DNAJC5: variants seen among roughly 807,000 people sequenced by gnomAD.
The protein encoded by DNAJC5 is DnaJ heat shock protein family (Hsp40) member C5.
In DNAJC5, 1 loss-of-function variant was observed where a neutral mutation model predicts 23.2. That is an observed-to-expected ratio of 0.04 (90% CI 0.02 to 0.20). The LOEUF is 0.20. Among genes scored for constraint, DNAJC5 ranks in the 10% least tolerant of loss-of-function variants. The pLI, the probability that DNAJC5 is intolerant of heterozygous loss-of-function variation, is 1.00. For synonymous variants in DNAJC5, 136 were observed against 120.0 expected (o/e 1.13, Z -0.87); for missense variants, 180 against 267.0 (o/e 0.67, Z 2.27).
chr20:63,910,188 G>A (rs2053473802), intron 1 of DNAJC5, among the ~76,000 whole-genome samples: 1 of 152,248 alleles, frequency 6.6e-6, no homozygotes, highest in South Asian at 2.1e-4. Flanking sequence ...CTACCCAGGT[G>A]TCATAACCTG....
At position 63,928,262 on chromosome 20, in the gene DNAJC5, TAA is replaced by T. The variant is rs1438446283; in HGVS notation, c.-11-71_-11-70del. ...TTTTGCTTTGAACGGTCTTATGGAA[TAA>T]AGTCCATCAGCTCTGCCCTTGGTAC... On this transcript the variant is annotated intron_variant, in intron 1 of 4. Coordinates refer to ENST00000360864, the MANE Select transcript of DNAJC5 (RefSeq NM_025219.3). This position sits in a 1 kb window ranked among gnomAD's most constrained non-coding sequence, Gnocchi z 4.6. The T allele has an allele frequency of 1.6e-6, 2 of 1,248,374 alleles. No homozygotes were observed. The highest frequency in any genetic ancestry group is 2.9e-5 in the African/African-American group (2 of 67,804). 77.3% of individuals were successfully genotyped at this position (1,248,374 alleles called of 1,614,324 possible). A position where few individuals can be genotyped will look rare whatever the true frequency, so the allele number is the denominator to read the frequency against.
intron 1 of DNAJC5, among the ~76,000 whole-genome samples, chr20:63,898,094 C>G (rs182931879): frequency 9.7e-4 from 148 of 152,330 alleles, no homozygotes; most frequent in Non-Finnish European, 1.7e-3. Flanking sequence ...AGAGCTGGAA[C>G]TTGAACTCGA....
chr20:63,901,850 T>C (rs2053415047), intron 1 of DNAJC5, among the ~76,000 whole-genome samples: 1 of 152,218 alleles, frequency 6.6e-6, no homozygotes, highest in South Asian at 2.1e-4. Context: ...GTACAGACTG[T>C]AGCTTCTGTC....
intron 1 of DNAJC5, among the ~76,000 whole-genome samples, chr20:63,916,394 C>T (rs6062584): frequency 0.056 from 8,525 of 152,190 alleles, 450 homozygotes; most frequent in East Asian, 0.23. Context: ...GGTAGGGCCG[C>T]GATGCCCGCC....
rs1338834045 is a variant in DNAJC5, at chr20:63,920,993, A to G, written c.-11-7342A>G. On this transcript the variant is annotated intron_variant, in intron 1 of 4. Transcript: ENST00000360864. The surrounding 1 kb of genome is among the most constrained non-coding windows in gnomAD (Gnocchi z 4.6). ...TTTTGTTTTGAGACGGAGTTTCACT[A>G]TTGTTACGCAGACTGGAGTGCAACG... Among the ~76,000 whole-genome samples the G allele has an allele frequency of 6.6e-6, 1 of 151,086 alleles. No homozygotes were observed. The highest frequency in any genetic ancestry group is 1.5e-5 in the Non-Finnish European group (1 of 67,850).
At chr20:63,927,791 T>G (rs1205129140) in intron 1 of DNAJC5, among the ~76,000 whole-genome samples, 1 of 152,226 alleles carries the variant, frequency 6.6e-6, no homozygotes, top group Non-Finnish European at 1.5e-5. Context: ...TATGTTTGGA[T>G]TTAGATCTTC....
Position 63,928,273 on chromosome 20 carries a change from A to T in DNAJC5, c.-11-62A>T. ...ACGGTCTTATGGAATAAAGTCCATC[A>T]GCTCTGCCCTTGGTACTTTCATCTA... On this transcript the variant is annotated intron_variant, in intron 1 of 4. Coordinates refer to ENST00000360864, the MANE Select transcript of DNAJC5 (RefSeq NM_025219.3). This position sits in a 1 kb window ranked among gnomAD's most constrained non-coding sequence, Gnocchi z 4.6. 7.4e-7 allele frequency: 1 copy of T among 1,351,004 alleles called. No homozygotes were observed. Among genetic ancestry groups the T allele is most frequent in the Non-Finnish European group, 1.1e-6 (1 of 950,828 alleles). 83.7% of individuals were successfully genotyped at this position (1,351,004 alleles called of 1,614,324 possible). A position where few individuals can be genotyped will look rare whatever the true frequency, so the allele number is the denominator to read the frequency against.
rs1285585019 is a variant in DNAJC5 at position 63,932,309 on chromosome 20, G to C, written c.*741G>C. 1 of 152,700 alleles carries C rather than the reference G, an allele frequency of 6.5e-6. No individual in the cohort carries two copies. The highest frequency in any genetic ancestry group is 2.4e-5 in the African/African-American group (1 of 41,338). 9.5% of individuals were successfully genotyped at this position (152,700 alleles called of 1,614,324 possible). A position where few individuals can be genotyped will look rare whatever the true frequency, so the allele number is the denominator to read the frequency against. The stretch of plus-strand genomic sequence containing the variant: ...TCTCGCCTGGTCGTCTCGTCGTGTG[G>C]ACGCTGCCGTTCTGGTTCTCGGAGG... On this transcript the variant is annotated 3_prime_UTR_variant, in exon 5 of 5. Transcript: ENST00000360864. The surrounding 1 kb of genome is among the most constrained non-coding windows in gnomAD (Gnocchi z 4.4).
chr20:63,926,905 A>C (rs1393827875), intron 1 of DNAJC5, among the ~76,000 whole-genome samples: 1 of 152,130 alleles, frequency 6.6e-6, no homozygotes, highest in Admixed American at 6.5e-5. Context: ...ATTAACCGTC[A>C]TGTACACTGT....
intron 1 of DNAJC5, among the ~76,000 whole-genome samples, chr20:63,900,471 G>A (rs185321067): frequency 5.4e-4 from 82 of 150,962 alleles, no homozygotes; most frequent in Admixed American, 8.6e-4. Flanking sequence ...CCAGCTACTC[G>A]GAGGCTGAGG....
chr20:63,905,736 A>AT (rs1342418514), intron 1 of DNAJC5, among the ~76,000 whole-genome samples: 184 of 129,648 alleles, frequency 1.4e-3, no homozygotes, highest in Middle Eastern at 4.5e-3. Flanking sequence ...TGCCCAGCTA[A>AT]TTTTTTTTTT....
chr20:63,899,197 G>A (rs188814443), intron 1 of DNAJC5, among the ~76,000 whole-genome samples: 57 of 152,310 alleles, frequency 3.7e-4, no homozygotes, highest in African/African-American at 1.3e-3. Flanking sequence ...AAGGGACAAA[G>A]AGGCTGAAAA....
intron 1 of DNAJC5, among the ~76,000 whole-genome samples, chr20:63,921,447 C>T (rs1183973645): frequency 9.2e-5 from 14 of 151,940 alleles, no homozygotes; most frequent in African/African-American, 2.6e-4. Context: ...AAAAATTAGC[C>T]GGGCGTGGTG....
Position 63,909,942 on chromosome 20 carries a change from C to T in DNAJC5, c.-12+14619C>T, listed in dbSNP as rs543164963. 2.9e-4 allele frequency among the ~76,000 whole-genome samples: 44 copies of T among 152,308 alleles called. 1 individual carries two copies. Among genetic ancestry groups the T allele is most frequent in the Non-Finnish European group, 5.0e-4 (34 of 68,030 alleles). On this transcript the variant is annotated intron_variant, in intron 1 of 4. Coordinates refer to ENST00000360864, the MANE Select transcript of DNAJC5 (RefSeq NM_025219.3). ...TCGTGGTTACTGATCTTATGAAGAA[C>T]ACTTGTCTTTCATATTTGGGACTGT...
chr20:63,916,107 C>T (rs1033350295), intron 1 of DNAJC5, among the ~76,000 whole-genome samples: 1 of 152,048 alleles, frequency 6.6e-6, no homozygotes, highest in African/African-American at 2.4e-5. Flanking sequence ...CTAATTATGC[C>T]TGGCTAATTT....
intron 1 of DNAJC5, among the ~76,000 whole-genome samples, chr20:63,926,119 C>T (rs935086473): frequency 6.6e-6 from 1 of 152,258 alleles, no homozygotes; most frequent in African/African-American, 2.4e-5. Flanking sequence ...TGAGCCACGG[C>T]GCCTGGCCTT....
At chr20:63,915,979 A>G (rs2053513295) in intron 1 of DNAJC5, among the ~76,000 whole-genome samples, 2 of 152,170 alleles carry the variant, frequency 1.3e-5, no homozygotes. Context: ...TGTCACTCAG[A>G]CTGGAGGGCA....
intron 1 of DNAJC5, among the ~76,000 whole-genome samples, chr20:63,907,283 T>C (rs1388816810): frequency 6.6e-6 from 1 of 152,196 alleles, no homozygotes; most frequent in East Asian, 1.9e-4. Flanking sequence ...ACAGCCCTGC[T>C]GATCCTTAGC....
Position 63,933,171 on chromosome 20 carries a change from C to G in DNAJC5, c.*1603C>G, listed in dbSNP as rs1454547033. On this transcript the variant is annotated 3_prime_UTR_variant, in exon 5 of 5. Transcript: ENST00000360864. ...GTGTGATGGCTCTGGCTCGGACCAA[C>G]CAGATGAGCCTCCTGAAGCCCCCTT... 7.9e-5 allele frequency: 12 copies of G among 152,714 alleles called. No homozygotes were observed. The highest frequency in any genetic ancestry group is 1.8e-4 in the Non-Finnish European group (12 of 68,276). The allele number at this position is 152,714 out of a possible 1,614,324, so 9.5% of individuals were successfully genotyped here.
Sources: gnomAD v4.1 joint callset for allele counts (sites outside exome capture counted in the v4.1 genomes callset) on GRCh38, gnomAD v4.1.1 for gene constraint, Gnocchi (gnomAD v3.1) non-coding constraint, MANE v1.5 for transcripts, NCBI Gene and HGNC (gene_info 2026-07-23, HGNC 2026-07-21) for gene names.